PAPOLA: variants seen among roughly 807,000 people sequenced by gnomAD.
The protein encoded by PAPOLA is poly(A) polymerase alpha.
Under a neutral mutation model 100.6 loss-of-function variants are expected in PAPOLA, and 15 were observed. The observed-to-expected ratio is 0.15, with a 90% CI of 0.10 to 0.23. The LOEUF (loss-of-function observed/expected upper bound fraction) is 0.23. Ranked by LOEUF, PAPOLA falls within the 10% of genes least tolerant of loss-of-function variation. PAPOLA has a pLI of 1.00. For synonymous variants in PAPOLA, 293 were observed against 300.0 expected (o/e 0.98, Z 0.24); for missense variants, 533 against 884.2 (o/e 0.60, Z 5.04).
At chr14:96,512,387 T>C (rs997349942) in intron 1 of PAPOLA, among the ~76,000 whole-genome samples, 1 of 152,068 alleles carries the variant, frequency 6.6e-6, no homozygotes, top group Non-Finnish European at 1.5e-5. Flanking sequence ...ATTAAAAAAA[T>C]ATATATCTTT....
intron 9 of PAPOLA, 147 bp from the exon 10 acceptor site, chr14:96,534,344 A>G (rs1156899012): frequency 7.0e-7 from 1 of 1,431,628 alleles, no homozygotes; most frequent in Non-Finnish European, 9.1e-7. Context: ...TGAGTAGTCT[A>G]ATGTCGTCAG....
intron 3 of PAPOLA, 126 bp downstream of exon 3, chr14:96,521,198 A>G (rs1469097371): frequency 3.1e-6 from 2 of 637,848 alleles, no homozygotes; most frequent in East Asian, 2.7e-5. Context: ...ATTTTAGACT[A>G]TTGATAACAG....
intron 9 of PAPOLA, chr14:96,534,249 T>C (rs1899324682): frequency 7.5e-7 from 1 of 1,328,706 alleles, no homozygotes; most frequent in African/African-American, 1.5e-5. Flanking sequence ...TAAAGTTCTT[T>C]GAGTGGCAGA....
chr14:96,564,888 G>A, intron 21 of PAPOLA, 67 bp from the exon 22 acceptor site: 3 of 843,434 alleles, frequency 3.6e-6, no homozygotes, highest in Non-Finnish European at 6.1e-6. Context: ...TAAAGCAATG[G>A]AAAATACATC....
intron 12 of PAPOLA, 200 bp downstream of exon 12, chr14:96,537,260 G>T (rs1433574292): frequency 1.8e-6 from 1 of 549,140 alleles, no homozygotes; most frequent in African/African-American, 1.9e-5. Flanking sequence ...TTTTCTGCCC[G>T]ATCTAACTGA....
chr14:96,566,038 A>G lies in PAPOLA; in HGVS notation c.*988A>G. ...CTGAAACTTGAGGGTGACTAAAAGT[A>G]ATGCCTGTGAAACATGATATCTATC... is the stretch of plus-strand genomic sequence containing the variant. On this transcript the variant is annotated 3_prime_UTR_variant, in exon 22 of 22. Coordinates refer to ENST00000216277, the MANE Select transcript of PAPOLA (RefSeq NM_032632.5). 2.5e-6 allele frequency: 1 copy of G among 396,670 alleles called. No homozygotes were observed. The highest frequency in any genetic ancestry group is 4.5e-6 in the Non-Finnish European group (1 of 224,716). 24.6% of individuals were successfully genotyped at this position (396,670 alleles called of 1,614,324 possible). A position where few individuals can be genotyped will look rare whatever the true frequency, so the allele number is the denominator to read the frequency against.
At chr14:96,529,234 T>G (rs1374627394) in intron 6 of PAPOLA, among the ~76,000 whole-genome samples, 1 of 152,180 alleles carries the variant, frequency 6.6e-6, no homozygotes, top group Non-Finnish European at 1.5e-5. Flanking sequence ...CTGAGTTGCT[T>G]TTTCAGTTAC....
At chr14:96,541,751 T>G (rs1037982090) in intron 12 of PAPOLA, among the ~76,000 whole-genome samples, 1 of 152,192 alleles carries the variant, frequency 6.6e-6, no homozygotes, top group Non-Finnish European at 1.5e-5. Flanking sequence ...ACTGCAGTAT[T>G]CAGTTTAATT....
At position 96,558,883 on chromosome 14, in the gene PAPOLA, A is replaced by AT. The variant is rs910296890; in HGVS notation, c.2005-1760dup. Among the ~76,000 whole-genome samples the AT allele has an allele frequency of 5.9e-5, 9 of 152,146 alleles. No homozygotes were observed. The East Asian group carries it at 1.3e-3, about 23-fold the overall frequency. On this transcript the variant is annotated intron_variant, in intron 19 of 21. Coordinates refer to ENST00000216277, the MANE Select transcript of PAPOLA (RefSeq NM_032632.5). ...CAAATGGCCCCTGATTGTTTCATTG[A>AT]TTTTTTAAAAAATAGGCTGTTTGTT...
intron 13 of PAPOLA, 197 bp from the exon 14 acceptor site, chr14:96,542,577 T>G (rs1464572167): frequency 7.0e-6 from 4 of 570,580 alleles, no homozygotes; most frequent in African/African-American, 1.9e-5. Context: ...GTGGATAACT[T>G]TTGTAACCTT....
intron 16 of PAPOLA, 84 bp from the exon 17 acceptor site, chr14:96,552,396 C>A: frequency 8.0e-7 from 1 of 1,247,972 alleles, no homozygotes; most frequent in Non-Finnish European, 1.1e-6. Flanking sequence ...CAGTAAAAAT[C>A]ATATATGTTA....
intron 1 of PAPOLA, chr14:96,502,997 G>A: frequency 4.5e-6 from 1 of 220,044 alleles, no homozygotes; most frequent in Non-Finnish European, 9.0e-6. Context: ...CAGCACTTGG[G>A]GTTCGGGCTC....
chr14:96,528,225 A>T (rs566304071), intron 6 of PAPOLA, among the ~76,000 whole-genome samples: 1 of 152,336 alleles, frequency 6.6e-6, no homozygotes, highest in South Asian at 2.1e-4. Flanking sequence ...AAACAGAAGT[A>T]ATGAAACCTT....
intron 15 of PAPOLA, among the ~76,000 whole-genome samples, chr14:96,547,318 T>C (rs187123678): frequency 2.3e-4 from 35 of 152,302 alleles, no homozygotes; most frequent in Non-Finnish European, 7.4e-5. Flanking sequence ...GTTATTTAAA[T>C]TATTACTATA....
intron 7 of PAPOLA, 22 bp from the exon 8 acceptor site, chr14:96,532,304 GTGTTT>G: frequency 6.4e-7 from 1 of 1,560,330 alleles, no homozygotes; most frequent in Non-Finnish European, 8.7e-7. Context: ...GTGTGTGTGT[GTGTTT>G]TTTTTTACCC....
intron 1 of PAPOLA, among the ~76,000 whole-genome samples, chr14:96,509,152 C>T (rs1427646301): frequency 2.6e-5 from 4 of 152,210 alleles, no homozygotes; most frequent in Admixed American, 2.0e-4. Flanking sequence ...CCACCTCAGC[C>T]TCCCAAGTAT....
rs1030589929 is a variant in PAPOLA at position 96,567,081 on chromosome 14, T to C, written c.*2031T>C. Reference sequence around the variant, plus strand: ...TGTAAACAGATGATGTATTTCTCCATTGAAAACACAATAAAAAAAAAACAG... The same window carrying C: ...TGTAAACAGATGATGTATTTCTCCACTGAAAACACAATAAAAAAAAAACAG... On this transcript the variant is annotated 3_prime_UTR_variant, in exon 22 of 22. Transcript: ENST00000216277. 1 of 152,500 alleles carries C rather than the reference T, an allele frequency of 6.6e-6. No homozygotes were observed. The highest frequency in any genetic ancestry group is 1.5e-5 in the Non-Finnish European group (1 of 68,002). 9.4% of individuals were successfully genotyped at this position (152,500 alleles called of 1,614,324 possible).
At chr14:96,532,815 T>C in intron 9 of PAPOLA, 166 bp downstream of exon 9, 1 of 1,340,220 alleles carries the variant, frequency 7.5e-7, no homozygotes, top group Non-Finnish European at 9.5e-7. Context: ...AAACTGAAAC[T>C]ATTTTTTTTC....
At chr14:96,510,316 C>G (rs1897024039) in intron 1 of PAPOLA, among the ~76,000 whole-genome samples, 1 of 152,080 alleles carries the variant, frequency 6.6e-6, no homozygotes, top group Admixed American at 6.6e-5. Context: ...CATTTTCACA[C>G]TCTTTCGTAC....
Sources: allele counts gnomAD v4.1 joint callset (sites outside exome capture counted in the v4.1 genomes callset), GRCh38; gene constraint gnomAD v4.1.1; transcripts MANE v1.5; gene names NCBI Gene and HGNC (gene_info 2026-07-23, HGNC 2026-07-21).